Variants in TP63 observed in about 807,000 individuals in gnomAD.
TP63 encodes tumor protein 63.
In TP63, 17 loss-of-function variants were observed where a neutral mutation model predicts 82.8. The observed-to-expected ratio is 0.21, with a 90% CI of 0.14 to 0.31. TP63 has a LOEUF of 0.31. TP63 is among the 10% of genes least tolerant of loss of function. The probability of loss-of-function intolerance (pLI) is 1.00; values close to 1 mark genes in which losing one functional copy is unlikely to be tolerated. For synonymous variants in TP63, 330 were observed against 321.7 expected (o/e 1.03, Z -0.28); for missense variants, 648 against 895.3 (o/e 0.72, Z 3.52).
At chr3:189,739,631 G>A (rs1720833925) in intron 3 of TP63, among the ~76,000 whole-genome samples, 1 of 152,074 alleles carries the variant, frequency 6.6e-6, no homozygotes, top group Non-Finnish European at 1.5e-5. Flanking sequence ...CGTGATCTTA[G>A]GCCCCAGTTC....
intron 3 of TP63, among the ~76,000 whole-genome samples, chr3:189,795,791 C>A (rs1725637201): frequency 6.6e-6 from 1 of 151,974 alleles, no homozygotes. Flanking sequence ...TTCAAAACTT[C>A]ACATACTCTA....
At chr3:189,849,515 G>C (rs1447568150) in intron 4 of TP63, among the ~76,000 whole-genome samples, 1 of 152,090 alleles carries the variant, frequency 6.6e-6, no homozygotes, top group Non-Finnish European at 1.5e-5. Context: ...GTCATCTTCT[G>C]TGTTGATGAT....
intron 1 of TP63, among the ~76,000 whole-genome samples, chr3:189,725,193 A>G (rs1719682881): frequency 6.6e-6 from 1 of 151,724 alleles, no homozygotes; most frequent in South Asian, 2.1e-4. Context: ...AATGAAATTT[A>G]CCAGGACAAA....
intron 4 of TP63, among the ~76,000 whole-genome samples, chr3:189,811,260 A>G (rs1470849024): frequency 6.6e-6 from 1 of 152,230 alleles, no homozygotes; most frequent in East Asian, 1.9e-4. Context: ...AGTATTAATA[A>G]TTAACGTAGA....
rs2108874561 is a variant in TP63 at position 189,894,425 on chromosome 3, G to A, written c.1966G>A (p.Asp656Asn). Reference protein sequence around the residue: ...LRQTISFPPRDEWNDFNFDMD... With the variant: ...LRQTISFPPRNEWNDFNFDMD... ...CCAGACCATCTCTTTCCCACCCCGA[G>A]ATGAGTGGAATGACTTCAACTTTGA... is the stretch of plus-strand genomic sequence containing the variant. The change falls in exon 14 of 14, where the codon GAT (aspartate) becomes AAT (asparagine). Residue 656 changes from aspartate (D) to asparagine (N), a missense_variant. By Grantham distance (23) the Asp-to-Asn change is conservative. Coordinates refer to ENST00000264731, the MANE Select transcript of TP63 (RefSeq NM_003722.5). 6.2e-7 allele frequency: 1 copy of A among 1,614,096 alleles called. No individual in the cohort carries two copies. The highest frequency in any genetic ancestry group is 8.5e-7 in the Non-Finnish European group (1 of 1,180,004).
In TP63 at chr3:189,799,383, C is replaced by T. The variant is rs529878997; in HGVS notation, c.325-8889C>T. On this transcript the variant is annotated intron_variant, in intron 3 of 13. Transcript: ENST00000264731. Reference sequence around the variant, plus strand: ...CTCTAAGCTTGTTTCTGGGTGGTTTCTTTTCAAAGCAACCTGCATTTGGCC... The same window carrying T: ...CTCTAAGCTTGTTTCTGGGTGGTTTTTTTTCAAAGCAACCTGCATTTGGCC... Among the ~76,000 whole-genome samples, 164 of 152,116 alleles carry T rather than the reference C, an allele frequency of 1.1e-3. 2 individuals carry two copies. The South Asian group carries it at 0.015, about 14-fold the overall frequency.
chr3:189,685,502 G>C (rs977345461), intron 1 of TP63, among the ~76,000 whole-genome samples: 13 of 152,128 alleles, frequency 8.5e-5, no homozygotes, highest in African/African-American at 2.9e-4. Context: ...CCCGCAGCCA[G>C]CTTCTGTAGC....
rs147687119 is a variant in TP63, at chr3:189,868,918, A to C, written c.1129+202A>C. Among the ~76,000 whole-genome samples, 902 of 152,304 alleles carry C rather than the reference A, an allele frequency of 5.9e-3. 7 individuals carry two copies. The highest frequency in any genetic ancestry group is 0.02 in the African/African-American group (834 of 41,576). ...TACAGCTTTACAAAAACAAGTAGTC[A>C]TTGTGACAATTTCTCAGTCCAGGGA... is the stretch of plus-strand genomic sequence containing the variant. On this transcript the variant is annotated intron_variant, in intron 8 of 13. Transcript: ENST00000264731.
intron 3 of TP63, among the ~76,000 whole-genome samples, chr3:189,798,083 C>T (rs1725900703): frequency 6.6e-6 from 1 of 152,026 alleles, no homozygotes; most frequent in South Asian, 2.1e-4. Flanking sequence ...ATCTCTGTAT[C>T]CCCTACAGGG....
At chr3:189,754,405 A>G (rs73889818) in intron 3 of TP63, among the ~76,000 whole-genome samples, 1,847 of 152,270 alleles carry the variant, frequency 0.012, 45 homozygotes, top group African/African-American at 0.042. Flanking sequence ...TGATATGCCA[A>G]TTATTTTAAA....
chr3:189,611,721 A>G, the TP63 span, among the ~76,000 whole-genome samples: 4 of 152,200 alleles, frequency 2.6e-5, no homozygotes, highest in Admixed American at 2.0e-4. Flanking sequence ...TTTAGGCAGT[A>G]TAGCTATTTT....
At chr3:189,769,139 T>G (rs1216232478) in intron 3 of TP63, among the ~76,000 whole-genome samples, 1 of 152,188 alleles carries the variant, frequency 6.6e-6, no homozygotes, top group Non-Finnish European at 1.5e-5. Flanking sequence ...AATCATGTCT[T>G]GCCTTAAAAA....
intron 4 of TP63, among the ~76,000 whole-genome samples, chr3:189,860,111 C>T (rs940223643): frequency 5.3e-5 from 8 of 151,670 alleles, no homozygotes; most frequent in Admixed American, 2.6e-4. Flanking sequence ...GTATACTTTG[C>T]GGAAAAGTAT....
At chr3:189,795,553 A>C (rs1278272170) in intron 3 of TP63, among the ~76,000 whole-genome samples, 1 of 152,030 alleles carries the variant, frequency 6.6e-6, no homozygotes, top group Non-Finnish European at 1.5e-5. Flanking sequence ...AGAGGGGATA[A>C]AATTTATAAA....
At position 189,738,744 on chromosome 3, in the gene TP63, G is replaced by T; in HGVS notation, c.294G>T (p.Met98Ile). Residue 98 changes from methionine (M) to isoleucine (I), a missense_variant, in exon 3 of 14, where the codon ATG becomes ATT. By Grantham distance (10) the Met-to-Ile change is conservative. This residue lies in a region of TP63 where 182 missense variants were observed against 213.6 expected (regional missense o/e 0.85). Transcript: ENST00000264731. ...AGATTAGCATGGACTGTATCCGCATGCAGGACTCGGACCTGAGTGACCCCA... is the reference window on the plus strand; with the variant it reads ...AGATTAGCATGGACTGTATCCGCATTCAGGACTCGGACCTGAGTGACCCCA... ...KIEISMDCIR[M>I]QDSDLSDPMW... 1 of 1,614,140 alleles carries T rather than the reference G, an allele frequency of 6.2e-7. No homozygotes were observed. Among genetic ancestry groups the T allele is most frequent in the Non-Finnish European group, 8.5e-7 (1 of 1,180,006 alleles).
intron 1 of TP63, among the ~76,000 whole-genome samples, chr3:189,708,380 A>G (rs1157281941): frequency 6.6e-6 from 1 of 152,232 alleles, no homozygotes; most frequent in African/African-American, 2.4e-5. Context: ...TGTTAGCTAC[A>G]GCCTGATTTT....
chr3:189,799,481 C>T (rs1275050318), intron 3 of TP63, among the ~76,000 whole-genome samples: 1 of 152,036 alleles, frequency 6.6e-6, no homozygotes, highest in African/African-American at 2.4e-5. Context: ...GACCTAGGTG[C>T]ATTCGAAACA....
intron 10 of TP63, among the ~76,000 whole-genome samples, chr3:189,884,348 T>C (rs796939639): frequency 3.3e-5 from 5 of 152,296 alleles, no homozygotes; most frequent in African/African-American, 1.2e-4. Flanking sequence ...TCCATCTTGG[T>C]CTCCTACATT....
chr3:189,809,128 A>G (rs1350448780), intron 4 of TP63, among the ~76,000 whole-genome samples: 1 of 152,048 alleles, frequency 6.6e-6, no homozygotes, highest in Non-Finnish European at 1.5e-5. Flanking sequence ...GTATATATTT[A>G]TTTAATTTGG....
Sources: allele counts gnomAD v4.1 joint callset (sites outside exome capture counted in the v4.1 genomes callset), GRCh38; gene constraint gnomAD v4.1.1; regional missense constraint gnomAD v4.1.1; transcripts MANE v1.5; gene names NCBI Gene and HGNC (gene_info 2026-07-23, HGNC 2026-07-21).